The following MAGI2 variants were observed in gnomAD, a reference collection of about 807,000 sequenced individuals.
MAGI2 encodes the protein membrane associated guanylate kinase, WW and PDZ domain containing 2.
Under a neutral mutation model 133.3 loss-of-function variants are expected in MAGI2, and 35 were observed. The observed-to-expected ratio is 0.26, with a 90% CI of 0.20 to 0.35. The LOEUF is 0.35. Ranked by LOEUF, MAGI2 falls within the 10% of genes least tolerant of loss-of-function variation. The pLI, the probability that MAGI2 is intolerant of heterozygous loss-of-function variation, is 1.00. For missense variants in MAGI2, 1,636 were observed against 1,863.4 expected (o/e 0.88, Z 2.25); for synonymous variants, 729 against 710.6 (o/e 1.03, Z -0.41).
chr7:78,845,658 C>T (rs954839853), intron 2 of MAGI2, among the ~76,000 whole-genome samples: 2 of 151,912 alleles, frequency 1.3e-5, no homozygotes, highest in African/African-American at 4.8e-5. Flanking sequence ...AGAAAAATAT[C>T]ATATTAATGT....
intron 7 of MAGI2, among the ~76,000 whole-genome samples, chr7:78,368,896 T>G (rs1472749118): frequency 6.6e-6 from 1 of 152,146 alleles, no homozygotes; most frequent in African/African-American, 2.4e-5. Context: ...TATCTTTAAT[T>G]ATCACTCATT....
intron 6 of MAGI2, among the ~76,000 whole-genome samples, chr7:78,476,849 G>A (rs1216795345): frequency 6.7e-6 from 1 of 149,166 alleles, no homozygotes; most frequent in Non-Finnish European, 1.5e-5. Flanking sequence ...GCACTGAATT[G>A]TATCATAAGT....
chr7:78,239,608 G>A (rs73150238), intron 10 of MAGI2, among the ~76,000 whole-genome samples: 25,752 of 152,134 alleles, frequency 0.17, 2,632 homozygotes, highest in East Asian at 0.32. Context: ...GCCTGAGTAG[G>A]TATTTATCAC....
intron 20 of MAGI2, 43 bp from the exon 21 acceptor site, chr7:78,079,128 C>T: frequency 1.3e-6 from 2 of 1,591,786 alleles, no homozygotes; most frequent in African/African-American, 1.3e-5. Context: ...GATGGTTTTA[C>T]TCAAGTTGCA....
intron 3 of MAGI2, among the ~76,000 whole-genome samples, chr7:78,565,617 A>G (rs1318065717): frequency 6.6e-6 from 1 of 152,224 alleles, no homozygotes; most frequent in African/African-American, 2.4e-5. Context: ...AAGATTAAAT[A>G]AAACATTTGC....
intron 9 of MAGI2, among the ~76,000 whole-genome samples, chr7:78,329,238 C>T (rs1245427593): frequency 6.6e-6 from 1 of 152,136 alleles, no homozygotes; most frequent in Non-Finnish European, 1.5e-5. Flanking sequence ...TTTGCAGACT[C>T]CAGTGCACTC....
In MAGI2 at chr7:78,607,743, T is replaced by A. The variant is rs142895630; in HGVS notation, c.538+19377A>T. Among the ~76,000 whole-genome samples, 1,161 of 152,290 alleles carry A rather than the reference T, an allele frequency of 7.6e-3. 13 individuals are homozygous for A. The highest frequency in any genetic ancestry group is 0.018 in the African/African-American group (768 of 41,556). ...CTAAAATAACCAGACTACAGCAAAA[T>A]GCCTTTGTGCTCTATGTTACATCCT... On this transcript the variant is annotated intron_variant, in intron 3 of 21. Transcript: ENST00000354212.
At chr7:79,148,534 T>C (rs1050173115) in intron 1 of MAGI2, among the ~76,000 whole-genome samples, 3 of 152,204 alleles carry the variant, frequency 2.0e-5, no homozygotes, top group Non-Finnish European at 4.4e-5. Flanking sequence ...TCTTCTTGTT[T>C]GGGTTTATTC....
chr7:78,339,821 C>T (rs1419792103), intron 9 of MAGI2, among the ~76,000 whole-genome samples: 4 of 152,104 alleles, frequency 2.6e-5, no homozygotes, highest in East Asian at 1.9e-4. Flanking sequence ...ATAACAGTAG[C>T]GTTTGGAAAC....
intron 10 of MAGI2, among the ~76,000 whole-genome samples, chr7:78,244,330 A>C (rs1234066068): frequency 6.6e-6 from 1 of 152,074 alleles, no homozygotes; most frequent in African/African-American, 2.4e-5. Context: ...GATAACATGC[A>C]TTGTAAAAAC....
chr7:78,950,552 A>G (rs1034979795), intron 2 of MAGI2, among the ~76,000 whole-genome samples: 1 of 152,148 alleles, frequency 6.6e-6, no homozygotes, highest in African/African-American at 2.4e-5. Context: ...TCACCATGGA[A>G]TAATCTCCTC....
intron 6 of MAGI2, among the ~76,000 whole-genome samples, chr7:78,465,311 TG>T (rs1344468238): frequency 6.6e-6 from 1 of 152,142 alleles, no homozygotes; most frequent in Non-Finnish European, 1.5e-5. Context: ...TTATAGACAC[TG>T]GTATTACAGA....
intron 9 of MAGI2, among the ~76,000 whole-genome samples, chr7:78,262,208 G>A (rs767336955): frequency 1.3e-5 from 2 of 152,026 alleles, no homozygotes; most frequent in Non-Finnish European, 2.9e-5. Context: ...ATCAAATTAT[G>A]TATTAATAGA....
At chr7:79,382,656 G>T (rs528116623) in intron 1 of MAGI2, among the ~76,000 whole-genome samples, 3 of 151,534 alleles carry the variant, frequency 2.0e-5, no homozygotes, top group African/African-American at 7.2e-5. Context: ...CTGATAAAGA[G>T]GTACCTGGCA....
intron 1 of MAGI2, among the ~76,000 whole-genome samples, chr7:79,310,937 C>T (rs945119563): frequency 1.8e-5 from 2 of 110,986 alleles, no homozygotes; most frequent in Non-Finnish European, 4.2e-5. Context: ...CACTTTAAAA[C>T]ACACACACAT....
chr7:79,088,392 C>T (rs1816721936), intron 1 of MAGI2, among the ~76,000 whole-genome samples: 1 of 152,102 alleles, frequency 6.6e-6, no homozygotes. Flanking sequence ...AGTTGCTTAT[C>T]AGCATAGGGA....
chr7:79,349,090 G>C (rs1046933889), intron 1 of MAGI2, among the ~76,000 whole-genome samples: 3 of 151,816 alleles, frequency 2.0e-5, no homozygotes, highest in Admixed American at 2.0e-4. Flanking sequence ...CATAAAAGAG[G>C]CTATCTTTAA....
At chr7:79,042,748 C>T (rs983853234) in intron 1 of MAGI2, among the ~76,000 whole-genome samples, 3 of 152,120 alleles carry the variant, frequency 2.0e-5, no homozygotes, top group Admixed American at 2.0e-4. Flanking sequence ...ACCTAACAGA[C>T]ATCCACAGAA....
intron 3 of MAGI2, chr7:78,567,987 G>C (rs1801120847): frequency 6.6e-6 from 1 of 152,164 alleles, no homozygotes; most frequent in African/African-American, 2.4e-5. Flanking sequence ...TCCTTTCTCA[G>C]TCTTCGTCTT....
Sources: allele counts gnomAD v4.1 joint callset (sites outside exome capture counted in the v4.1 genomes callset), GRCh38; gene constraint gnomAD v4.1.1; transcripts MANE v1.5; gene names NCBI Gene and HGNC (gene_info 2026-07-23, HGNC 2026-07-21).